MYO10: variants seen among roughly 807,000 people sequenced by gnomAD.
The protein encoded by MYO10 is unconventional myosin-X.
In MYO10, 133 loss-of-function variants were observed where a neutral mutation model predicts 257.3. The ratio of observed to expected loss-of-function variants is 0.52; its 90% CI spans 0.45 to 0.60. MYO10 has a LOEUF of 0.60. Among genes scored for constraint, MYO10 ranks in the 20% least tolerant of loss-of-function variants. The pLI is 0.00. For missense variants in MYO10, 2,399 were observed against 2,635.7 expected (o/e 0.91, Z 1.97); for synonymous variants, 1,104 against 1,028.6 (o/e 1.07, Z -1.40).
intron 2 of MYO10, among the ~76,000 whole-genome samples, chr5:16,864,104 C>T: frequency 6.6e-6 from 1 of 151,456 alleles, no homozygotes; most frequent in Admixed American, 6.6e-5. Context: ...TCTCCAAAAC[C>T]AAACAAACAA....
Position 16,762,115 on chromosome 5 carries a change from T to TCAA in MYO10, c.1588-3_1588-2insTTG. 1.8e-6 allele frequency: 1 copy of TCAA among 566,708 alleles called. No individual in the cohort carries two copies. The highest frequency in any genetic ancestry group is 3.4e-5 in the African/African-American group (1 of 29,796). The allele number at this position is 566,708 out of a possible 1,614,324, so 35.1% of individuals were successfully genotyped here. A position where few individuals can be genotyped will look rare whatever the true frequency, so the allele number is the denominator to read the frequency against. On this transcript the variant is annotated splice_polypyrimidine_tract_variant and splice_region_variant and intron_variant, in intron 15 of 40. Coordinates refer to ENST00000513610, the MANE Select transcript of MYO10 (RefSeq NM_012334.3). Reference sequence around the variant, plus strand: ...GGGCTTCACATAAAAGTGGTTATTCTAAAAAAAAAAAAAAAAAAAAAAAAA... The same window carrying TCAA: ...GGGCTTCACATAAAAGTGGTTATTCTCAAAAAAAAAAAAAAAAAAAAAAAAAAA...
At chr5:16,824,663 T>C (rs1742949046) in intron 2 of MYO10, among the ~76,000 whole-genome samples, 1 of 152,082 alleles carries the variant, frequency 6.6e-6, no homozygotes, top group Non-Finnish European at 1.5e-5. Flanking sequence ...GGTCAAGAGA[T>C]TGAGACCAAC....
intron 2 of MYO10, among the ~76,000 whole-genome samples, chr5:16,842,161 C>T (rs1420656219): frequency 6.6e-6 from 1 of 152,050 alleles, no homozygotes; most frequent in Admixed American, 6.6e-5. Flanking sequence ...ATCATGTGCC[C>T]CCAGACCTAT....
intron 2 of MYO10, among the ~76,000 whole-genome samples, chr5:16,841,436 C>T (rs1192829746): frequency 6.6e-6 from 1 of 152,072 alleles, no homozygotes; most frequent in African/African-American, 2.4e-5. Context: ...AAGGATTTTC[C>T]AGATTTTTAG....
intron 1 of MYO10, among the ~76,000 whole-genome samples, chr5:16,909,275 G>A (rs1016319343): frequency 6.6e-6 from 1 of 152,116 alleles, no homozygotes; most frequent in African/African-American, 2.4e-5. Context: ...TTGGGAGGCC[G>A]AGGTGGGCGG....
intron 1 of MYO10, among the ~76,000 whole-genome samples, chr5:16,883,689 T>G (rs1414061662): frequency 6.6e-6 from 1 of 152,232 alleles, no homozygotes; most frequent in Non-Finnish European, 1.5e-5. Context: ...GTTGCTGACC[T>G]CTGCTTTAAG....
Position 16,763,356 on chromosome 5 carries a change from C to T in MYO10, c.1494+125G>A, listed in dbSNP as rs1020997044. 6.6e-6 allele frequency: 5 copies of T among 755,106 alleles called. No homozygotes were observed. The East Asian group carries it at 9.9e-5, about 15-fold the overall frequency. The allele number at this position is 755,106 out of a possible 1,614,324, so 46.8% of individuals were successfully genotyped here. ...ATTTACATTTATGTTTCCAAATGGT[C>T]CATTGTGTTCTAAACATTCACATCG... On this transcript the variant is annotated intron_variant, in intron 14 of 40. Transcript: ENST00000513610.
chr5:16,671,570 G>C, intron 37 of MYO10, 28 bp from the exon 38 acceptor site: 2 of 1,613,708 alleles, frequency 1.2e-6, no homozygotes, highest in Non-Finnish European at 1.7e-6. Context: ...GAGAGGCTCA[G>C]AATATGAACG....
chr5:16,699,801 AAAAAAAG>A (rs1278430819), intron 25 of MYO10, among the ~76,000 whole-genome samples: 13 of 147,594 alleles, frequency 8.8e-5, no homozygotes, highest in African/African-American at 2.9e-4. Flanking sequence ...AAAAAAAAAA[AAAAAAAG>A]GGAAAAGGAA....
chr5:16,771,553 A>C, intron 9 of MYO10, among the ~76,000 whole-genome samples: 1 of 50,640 alleles, frequency 2.0e-5, no homozygotes, highest in East Asian at 4.4e-4. Flanking sequence ...ATGATTTATT[A>C]TTATTATTAT....
Position 16,685,760 on chromosome 5 carries a change from T to C in MYO10, c.3968A>G (p.Gln1323Arg). The C allele has an allele frequency of 6.7e-7, 1 of 1,487,204 alleles. No homozygotes were observed. Among genetic ancestry groups the C allele is most frequent in the South Asian group, 1.1e-5 (1 of 87,208 alleles). The allele number at this position is 1,487,204 out of a possible 1,614,324, so 92.1% of individuals were successfully genotyped here. The change falls in exon 29 of 41, where the codon CAG becomes CGG. Residue 1323 changes from glutamine to arginine, a missense_variant. By Grantham distance (43) the Gln-to-Arg change is conservative. This residue lies in a region of MYO10 where 1,820 missense variants were observed against 1,939.4 expected (regional missense o/e 0.94). Transcript: ENST00000513610. ...DQEIQEMHDE[Q>R]ANPQNAVGTL... ...TACCACAGCATTCTGTGGGTTTGCC[T>C]GCTCATCATGCATCTCCTGGATCTC...
In MYO10 at chr5:16,703,141, A is replaced by C; in HGVS notation, c.2294T>G (p.Val765Gly). 1 of 1,595,774 alleles carries C rather than the reference A, an allele frequency of 6.3e-7. No homozygotes were observed. Among genetic ancestry groups the C allele is most frequent in the Non-Finnish European group, 8.5e-7 (1 of 1,170,254 alleles). ...GFLARKQYRK[V>G]LYCVVIIQKN... ...CTGTATTATCACCACACAATAAAGG[A>C]CCTTTCTGTATTGTTTTCTGAAAAT... The change falls in exon 23 of 41, where the codon GTC becomes GGC. Residue 765 changes from valine to glycine, a missense_variant. By Grantham distance (109) the Val-to-Gly change is moderately radical. This residue lies in a region of MYO10 where 1,820 missense variants were observed against 1,939.4 expected (regional missense o/e 0.94). Coordinates refer to ENST00000513610, the MANE Select transcript of MYO10 (RefSeq NM_012334.3).
intron 1 of MYO10, among the ~76,000 whole-genome samples, chr5:16,921,882 G>A (rs747448058): frequency 7.2e-5 from 11 of 151,860 alleles, no homozygotes; most frequent in African/African-American, 7.3e-5. Flanking sequence ...GGCCACCACC[G>A]CCCTCACCCA....
Position 16,701,648 on chromosome 5 carries a change from A to G in MYO10, c.2747T>C (p.Leu916Pro). ...GTCCCGCCGCTCCTGCAGCTTCTGCAGGGAAGCCTCGGTCAGCGACAGCTC... is the reference window on the plus strand; with the variant it reads ...GTCCCGCCGCTCCTGCAGCTTCTGCGGGGAAGCCTCGGTCAGCGACAGCTC... The part of the protein sequence containing the change: ...QQELSLTEAS[L>P]QKLQERRDQE... Residue 916 changes from leucine (L) to proline (P), a missense_variant, in exon 25 of 41, where the codon CTG becomes CCG. Around this residue, in one of 3 missense-constraint regions of MYO10, gnomAD observed 1,820 missense variants for 1,939.4 expected, o/e 0.94. Coordinates refer to ENST00000513610, the MANE Select transcript of MYO10 (RefSeq NM_012334.3). This position sits in a 1 kb window ranked among gnomAD's most constrained non-coding sequence, Gnocchi z 8.1. The G allele has an allele frequency of 6.2e-7, 1 of 1,613,816 alleles. No individual in the cohort carries two copies. Among genetic ancestry groups the G allele is most frequent in the Non-Finnish European group, 8.5e-7 (1 of 1,179,818 alleles).
chr5:16,794,936 C>T (rs1741892017), intron 3 of MYO10, 103 bp from the exon 4 acceptor site: 1 of 935,182 alleles, frequency 1.1e-6, no homozygotes, highest in African/African-American at 1.7e-5. Flanking sequence ...AAGACGTCTT[C>T]TGTCTCCCGG....
At chr5:16,779,268 T>G (rs924114801) in intron 9 of MYO10, among the ~76,000 whole-genome samples, 16 of 152,102 alleles carry the variant, frequency 1.1e-4, no homozygotes, top group Non-Finnish European at 1.9e-4. Context: ...AAGGTACACT[T>G]TCTGAACACA....
intron 2 of MYO10, among the ~76,000 whole-genome samples, chr5:16,831,959 T>C (rs569291498): frequency 6.6e-6 from 1 of 152,302 alleles, no homozygotes; most frequent in East Asian, 1.9e-4. Context: ...TTTATTTATT[T>C]TTGAGACAGG....
chr5:16,675,323 G>T (rs1406072390), intron 34 of MYO10, among the ~76,000 whole-genome samples, 173 bp from the exon 35 acceptor site: 1 of 152,188 alleles, frequency 6.6e-6, no homozygotes, highest in Non-Finnish European at 1.5e-5. Flanking sequence ...ACAGAGGTGG[G>T]TAAGTTGACA....
At position 16,818,026 on chromosome 5, in the gene MYO10, T is replaced by C; in HGVS notation, c.262A>G (p.Lys88Glu). ...SIMYNLFQRY[K>E]RNQIYTYIGS... is the part of the protein sequence containing the mutation. Reference sequence around the variant, plus strand: ...GAACTTACATATATTTGATTTCTCTTATACCGCTGGAATAAGTTATACATG... The same window carrying C: ...GAACTTACATATATTTGATTTCTCTCATACCGCTGGAATAAGTTATACATG... The change falls in exon 3 of 41, where the codon AAG becomes GAG. Residue 88 changes from lysine (K) to glutamate (E), a missense_variant. Lys to Glu is a moderately conservative substitution (Grantham distance 56). Around this residue, in one of 3 missense-constraint regions of MYO10, gnomAD observed 242 missense variants for 249.5 expected, o/e 0.97. Transcript: ENST00000513610. 6.3e-7 allele frequency: 1 copy of C among 1,587,516 alleles called. No individual in the cohort carries two copies. The highest frequency in any genetic ancestry group is 8.6e-7 in the Non-Finnish European group (1 of 1,163,640).
Sources: gnomAD v4.1 joint callset for allele counts (sites outside exome capture counted in the v4.1 genomes callset) on GRCh38, gnomAD v4.1.1 for gene constraint, gnomAD v4.1.1 regional missense constraint, Gnocchi (gnomAD v3.1) non-coding constraint, MANE v1.5 for transcripts, NCBI Gene and HGNC (gene_info 2026-07-23, HGNC 2026-07-21) for gene names.